The following POP5 variants were observed in gnomAD, a reference collection of about 807,000 sequenced individuals.
POP5 encodes the protein ribonuclease P/MRP protein subunit POP5.
In POP5, 18 loss-of-function variants were observed where a neutral mutation model predicts 20.7. The observed-to-expected ratio is 0.87, with a 90% CI of 0.60 to 1.29. POP5 has a LOEUF of 1.29. Ranked by LOEUF, POP5 falls within the 50% of genes most tolerant of loss-of-function variation. POP5 has a pLI of 0.00. For missense variants in POP5, 200 were observed against 203.2 expected, an observed-to-expected ratio of 0.98 and a Z score of 0.10; for synonymous variants, 91 against 78.0, an observed-to-expected ratio of 1.17 and a Z score of -0.88.
rs1565979813 is a variant in POP5 at position 120,581,117 on chromosome 12, G to C, written c.161C>G (p.Ala54Gly). ...FGAAACSIGF[A>G]VRYLNAYTGI... ...CTCTTCCCCCAGCGCCCTTGCACCCGCGAAGCCGATGGAGCAGGCGGCTGC... is the reference window on the plus strand; with the variant it reads ...CTCTTCCCCCAGCGCCCTTGCACCCCCGAAGCCGATGGAGCAGGCGGCTGC... Residue 54 changes from alanine (A) to glycine (G), a missense_variant and splice_region_variant, in exon 2 of 5, where the codon GCG becomes GGG. Ala to Gly is a moderately conservative substitution (Grantham distance 60). Coordinates refer to ENST00000357500, the MANE Select transcript of POP5 (RefSeq NM_015918.4). The C allele has an allele frequency of 6.2e-7, 1 of 1,610,328 alleles. No homozygotes were observed. Among genetic ancestry groups the C allele is most frequent in the Non-Finnish European group, 8.5e-7 (1 of 1,179,848 alleles).
At chr12:120,581,061 C>T in intron 2 of POP5, 54 bp downstream of exon 2, 8 of 1,590,990 alleles carry the variant, frequency 5.0e-6, no homozygotes, top group Non-Finnish European at 6.8e-6. Context: ...GCGCCTGCCC[C>T]CTCCACATCC....
chr12:120,580,715 T>C (rs956155239), intron 2 of POP5: 2 of 224,798 alleles, frequency 8.9e-6, no homozygotes, highest in East Asian at 1.1e-4. Flanking sequence ...TTCTGTACTT[T>C]ACCAACTATT....
rs780932449 is a variant in POP5, at chr12:120,579,899, C to T, written c.188G>A (p.Gly63Glu). 5.0e-6 allele frequency: 8 copies of T among 1,613,466 alleles called. No homozygotes were observed. Among genetic ancestry groups the T allele is most frequent in the Non-Finnish European group, 5.9e-6 (7 of 1,179,626 alleles). The part of the protein sequence containing the change: ...FAVRYLNAYT[G>E]IVLLRCRKEF... ...TTTTCTGCATCGAAGTAGCACTATTCCAGTATAGGCATTGAGATATCGAAC... is the reference window on the plus strand; with the variant it reads ...TTTTCTGCATCGAAGTAGCACTATTTCAGTATAGGCATTGAGATATCGAAC... Residue 63 changes from glycine to glutamate, a missense_variant, in exon 3 of 5, where the codon GGA becomes GAA. Physicochemically the swap from Gly to Glu is moderately conservative, Grantham distance 98. Transcript: ENST00000357500.
In POP5 at chr12:120,579,899, C is replaced by A. The variant is rs780932449; in HGVS notation, c.188G>T (p.Gly63Val). The A allele has an allele frequency of 6.2e-7, 1 of 1,613,584 alleles. No individual in the cohort carries two copies. The highest frequency in any genetic ancestry group is 8.5e-7 in the Non-Finnish European group (1 of 1,179,618). ...FAVRYLNAYT[G>V]IVLLRCRKEF... Reference sequence around the variant, plus strand: ...TTTTCTGCATCGAAGTAGCACTATTCCAGTATAGGCATTGAGATATCGAAC... The same window carrying A: ...TTTTCTGCATCGAAGTAGCACTATTACAGTATAGGCATTGAGATATCGAAC... Residue 63 changes from glycine (G) to valine (V), a missense_variant, in exon 3 of 5, where the codon GGA (glycine) becomes GTA (valine). Gly to Val is a moderately radical substitution (Grantham distance 109). Coordinates refer to ENST00000357500, the MANE Select transcript of POP5 (RefSeq NM_015918.4).
intron 1 of POP5, 22 bp downstream of exon 1, chr12:120,581,321 G>C (rs544022020): frequency 6.2e-7 from 1 of 1,614,118 alleles, no homozygotes; most frequent in South Asian, 1.1e-5. Context: ...GGCACTGGGA[G>C]GGTCTGGAAG....
At chr12:120,580,158 C>T in intron 2 of POP5, 3 of 427,556 alleles carry the variant, frequency 7.0e-6, no homozygotes, top group South Asian at 5.2e-5. Context: ...ATGAGAATCG[C>T]CTGAACCCAG....
Position 120,581,225 on chromosome 12 carries a change from G to GT in POP5, c.52_53insA (p.Pro18HisfsTer9). The GT allele has an allele frequency of 2.5e-6, 4 of 1,614,184 alleles. No homozygotes were observed. Among genetic ancestry groups the GT allele is most frequent in the Non-Finnish European group, 3.4e-6 (4 of 1,180,042 alleles). ...GTCATCGAGGCTTAGGCGGCAGCGG[G>GT]GGTCGTCAGACACCAGTTCGCAGAG... On this transcript the variant is annotated frameshift_variant, in exon 2 of 5. Coordinates refer to ENST00000357500, the MANE Select transcript of POP5 (RefSeq NM_015918.4). LOFTEE classifies it high-confidence loss of function.
intron 2 of POP5, 50 bp from the exon 3 acceptor site, chr12:120,579,973 G>A: frequency 6.4e-7 from 1 of 1,555,844 alleles, no homozygotes. Flanking sequence ...TCTGTGTGGT[G>A]GCTCACGCCT....
Position 120,581,379 on chromosome 12 carries a change from T to C in POP5, c.-17A>G. 2 of 1,609,628 alleles carry C rather than the reference T, an allele frequency of 1.2e-6. No individual in the cohort carries two copies. The highest frequency in any genetic ancestry group is 1.7e-6 in the Non-Finnish European group (2 of 1,178,222). ...CCGCACCATGGCTGCCTCCGCGCTC[T>C]CCGGTCCGGCGTGCAAACCGGATGT... On this transcript the variant is annotated 5_prime_UTR_variant, in exon 1 of 5. Transcript: ENST00000357500.
intron 2 of POP5, 146 bp downstream of exon 2, chr12:120,580,969 T>G: frequency 7.7e-7 from 1 of 1,305,864 alleles, no homozygotes; most frequent in Non-Finnish European, 1.0e-6. Context: ...GACTCTCGCT[T>G]GGGGTCCCAG....
intron 3 of POP5, 55 bp from the exon 4 acceptor site, chr12:120,579,652 C>G (rs1413959261): frequency 7.1e-6 from 11 of 1,558,802 alleles, no homozygotes. Context: ...ACCTTACAGA[C>G]TTTCAGAGGT....
In POP5 at chr12:120,579,569, T is replaced by C; in HGVS notation, c.342A>G (p.Leu114=). Residue 114 remains leucine, a synonymous_variant, in exon 4 of 5, where the codon CTA becomes CTG. Coordinates refer to ENST00000357500, the MANE Select transcript of POP5 (RefSeq NM_015918.4). The stretch of plus-strand genomic sequence containing the variant: ...ACAGCTGTCTCCTGTTGTACTGAAT[T>C]AGGAACTTCTGACATGTTCTTATTG... The part of the protein sequence containing the change: ...GGTIRTCQKF[L]IQYNRRQLLI... 6.2e-7 allele frequency: 1 copy of C among 1,614,078 alleles called. No homozygotes were observed. Among genetic ancestry groups the C allele is most frequent in the Non-Finnish European group, 8.5e-7 (1 of 1,179,902 alleles).
rs768764274 is a variant in POP5 at position 120,581,389 on chromosome 12, C to A, written c.-27G>T. On this transcript the variant is annotated 5_prime_UTR_variant, in exon 1 of 5. Coordinates refer to ENST00000357500, the MANE Select transcript of POP5 (RefSeq NM_015918.4). ...GCTGCCTCCGCGCTCTCCGGTCCGGCGTGCAAACCGGATGTGAATTCTGTC... is the reference window on the plus strand; with the variant it reads ...GCTGCCTCCGCGCTCTCCGGTCCGGAGTGCAAACCGGATGTGAATTCTGTC... 6.2e-7 allele frequency: 1 copy of A among 1,605,158 alleles called. No individual in the cohort carries two copies. The highest frequency in any genetic ancestry group is 1.3e-5 in the African/African-American group (1 of 74,916).
chr12:120,580,086 A>G, intron 2 of POP5, 163 bp from the exon 3 acceptor site: 1 of 613,830 alleles, frequency 1.6e-6, no homozygotes, highest in Non-Finnish European at 2.8e-6. Context: ...TACTAAAAAT[A>G]CAAAAATTAG....
At chr12:120,580,923 C>G in intron 2 of POP5, 192 bp downstream of exon 2, 1 of 833,626 alleles carries the variant, frequency 1.2e-6, no homozygotes, top group Non-Finnish European at 1.8e-6. Flanking sequence ...GCCCCACTGC[C>G]TTCGGGCCCC....
At chr12:120,580,326 TAA>T (rs1368174007) in intron 2 of POP5, among the ~76,000 whole-genome samples, 2 of 152,048 alleles carry the variant, frequency 1.3e-5, no homozygotes, top group Admixed American at 6.5e-5. Context: ...TATCAGCGAG[TAA>T]AAGAGAAAAG....
At chr12:120,580,940 T>A in intron 2 of POP5, 175 bp downstream of exon 2, 1 of 1,033,074 alleles carries the variant, frequency 9.7e-7, no homozygotes, top group Non-Finnish European at 1.4e-6. Context: ...CCCCTCCTTT[T>A]AGCGCTCTGC....
chr12:120,581,357 C>T lies in POP5; in HGVS notation c.6G>A (p.Val2=). 2 of 1,613,088 alleles carry T rather than the reference C, an allele frequency of 1.2e-6. No homozygotes were observed. Among genetic ancestry groups the T allele is most frequent in the Non-Finnish European group, 8.5e-7 (1 of 1,179,644 alleles). ...GGAATGCTTACCTGTGCTTGAACCG[C>T]ACCATGGCTGCCTCCGCGCTCTCCG... is the stretch of plus-strand genomic sequence containing the variant. The part of the protein sequence containing the change: M[V]RFKHRYLLCE... Residue 2 remains valine (V), a synonymous_variant, in exon 1 of 5, where the codon GTG becomes GTA. Coordinates refer to ENST00000357500, the MANE Select transcript of POP5 (RefSeq NM_015918.4).
chr12:120,579,637 T>G (rs2137287623), intron 3 of POP5, 40 bp from the exon 4 acceptor site: 1 of 1,578,120 alleles, frequency 6.3e-7, no homozygotes, highest in Non-Finnish European at 8.7e-7. Context: ...TTGTGAAAGA[T>G]CTCGACCTTA....
Sources: gnomAD v4.1 joint callset for allele counts (sites outside exome capture counted in the v4.1 genomes callset) on GRCh38, gnomAD v4.1.1 for gene constraint, MANE v1.5 for transcripts, NCBI Gene and HGNC (gene_info 2026-07-23, HGNC 2026-07-21) for gene names.